Variants in ZNF804B observed in about 807,000 individuals in gnomAD.
ZNF804B encodes the protein zinc finger 804B.
Under a neutral mutation model 101.4 loss-of-function variants are expected in ZNF804B, and 80 were observed. That is an observed-to-expected ratio of 0.79 (90% CI 0.66 to 0.95). The LOEUF (loss-of-function observed/expected upper bound fraction) is 0.95. Ranked by LOEUF, ZNF804B falls within the 40% of genes least tolerant of loss-of-function variation. ZNF804B has a pLI of 0.00. For missense variants in ZNF804B, 1,673 were observed against 1,561.9 expected (o/e 1.07, Z -1.20); for synonymous variants, 622 against 558.8 (o/e 1.11, Z -1.59).
intron 2 of ZNF804B, among the ~76,000 whole-genome samples, chr7:89,296,709 T>C (rs543449927): frequency 1.3e-5 from 2 of 152,248 alleles, no homozygotes; most frequent in South Asian, 4.1e-4. Flanking sequence ...ACGTAAGTTC[T>C]TTAATGTAGA....
chr7:88,865,012 T>A (rs994526462), intron 1 of ZNF804B, among the ~76,000 whole-genome samples: 2 of 152,098 alleles, frequency 1.3e-5, no homozygotes, highest in African/African-American at 4.8e-5. Context: ...GTGGATCACC[T>A]GAGGTCAGGA....
chr7:88,872,516 T>A (rs1791844332), intron 1 of ZNF804B, among the ~76,000 whole-genome samples: 1 of 152,116 alleles, frequency 6.6e-6, no homozygotes, highest in Admixed American at 6.6e-5. Context: ...GTGTGCACAA[T>A]GTGCAGGTTA....
At chr7:89,017,962 G>T (rs1788597657) in intron 1 of ZNF804B, among the ~76,000 whole-genome samples, 1 of 152,088 alleles carries the variant, frequency 6.6e-6, no homozygotes, top group Non-Finnish European at 1.5e-5. Flanking sequence ...CATCAGCCAA[G>T]AGGAACAAGC....
chr7:89,319,856 C>A (rs904990302), intron 2 of ZNF804B, among the ~76,000 whole-genome samples: 1 of 152,178 alleles, frequency 6.6e-6, no homozygotes, highest in African/African-American at 2.4e-5. Flanking sequence ...GTTAGCCCAA[C>A]ACTCGTACTT....
chr7:88,872,737 G>A lies in ZNF804B; in HGVS notation c.108+112653G>A, dbSNP rs551553599. 4.0e-5 allele frequency among the ~76,000 whole-genome samples: 6 copies of A among 148,680 alleles called. No individual in the cohort carries two copies. In the South Asian group the frequency reaches 1.1e-3, roughly 27 times the overall value. On this transcript the variant is annotated intron_variant, in intron 1 of 3. Coordinates refer to ENST00000333190, the MANE Select transcript of ZNF804B (RefSeq NM_181646.5). The stretch of plus-strand genomic sequence containing the variant: ...ATGTGGCGTTTGGTTTTTTGTTCTT[G>A]CGATAGTTTACTGAGAATGATGATT...
chr7:89,315,014 G>A (rs932337392), intron 2 of ZNF804B, among the ~76,000 whole-genome samples: 7 of 152,144 alleles, frequency 4.6e-5, no homozygotes, highest in Non-Finnish European at 1.0e-4. Context: ...AAGAAAAGAG[G>A]TTTAATTGGC....
intron 1 of ZNF804B, among the ~76,000 whole-genome samples, chr7:89,047,400 A>C (rs1789126593): frequency 6.6e-6 from 1 of 152,188 alleles, no homozygotes; most frequent in African/African-American, 2.4e-5. Flanking sequence ...AATTACCAAA[A>C]ATAATGATTG....
intron 1 of ZNF804B, among the ~76,000 whole-genome samples, chr7:88,797,522 C>T (rs2285444): frequency 0.06 from 9,176 of 152,228 alleles, 532 homozygotes; most frequent in East Asian, 0.28. Context: ...TTTCCAATTT[C>T]CAGTCATGGA....
Position 89,113,802 on chromosome 7 carries a change from T to C in ZNF804B, c.109-104353T>C, listed in dbSNP as rs564622406. Among the ~76,000 whole-genome samples the C allele has an allele frequency of 1.6e-3, 242 of 151,954 alleles. 2 individuals carry two copies. Among genetic ancestry groups the C allele is most frequent in the African/African-American group, 5.4e-3 (222 of 41,456 alleles). On this transcript the variant is annotated intron_variant, in intron 1 of 3. Coordinates refer to ENST00000333190, the MANE Select transcript of ZNF804B (RefSeq NM_181646.5). ...CTCGTCTCTACTAAAAATACAAAAA[T>C]TAGCCGGACATGGTGGCATGCCTGT...
chr7:88,778,462 T>C (rs1460172194), intron 1 of ZNF804B, among the ~76,000 whole-genome samples: 1 of 152,232 alleles, frequency 6.6e-6, no homozygotes, highest in Non-Finnish European at 1.5e-5. Context: ...TTATTCTGCT[T>C]ACTATATCTC....
At chr7:88,960,012 G>A (rs1584039922) in intron 1 of ZNF804B, among the ~76,000 whole-genome samples, 2 of 151,300 alleles carry the variant, frequency 1.3e-5, no homozygotes, top group South Asian at 4.2e-4. Context: ...TGAAAATTTT[G>A]ACCTTTAATA....
chr7:88,838,613 AT>A (rs1187338988), intron 1 of ZNF804B, among the ~76,000 whole-genome samples: 2 of 151,920 alleles, frequency 1.3e-5, no homozygotes, highest in Non-Finnish European at 2.9e-5. Context: ...TTTATTACAC[AT>A]TTTTTAGTTT....
At chr7:89,037,382 T>A (rs1788943722) in intron 1 of ZNF804B, among the ~76,000 whole-genome samples, 1 of 152,054 alleles carries the variant, frequency 6.6e-6, no homozygotes, top group Non-Finnish European at 1.5e-5. Flanking sequence ...TGGTATTTGT[T>A]GTAATCAAAC....
At chr7:88,873,257 A>G (rs193278671) in intron 1 of ZNF804B, among the ~76,000 whole-genome samples, 1 of 152,298 alleles carries the variant, frequency 6.6e-6, no homozygotes, top group Admixed American at 6.5e-5. Context: ...TTTTGGCTGG[A>G]TAAATGTCTT....
chr7:88,793,202 T>C (rs980100981), intron 1 of ZNF804B, among the ~76,000 whole-genome samples: 2 of 152,132 alleles, frequency 1.3e-5, no homozygotes, highest in African/African-American at 4.8e-5. Context: ...CTAAAAACTT[T>C]TAAACAATGC....
At chr7:88,815,287 C>T (rs906079065) in intron 1 of ZNF804B, among the ~76,000 whole-genome samples, 2 of 148,756 alleles carry the variant, frequency 1.3e-5, no homozygotes, top group African/African-American at 4.9e-5. Context: ...TCTGTAGAAA[C>T]TCAGTATAAC....
chr7:88,863,887 T>C (rs1791687358), intron 1 of ZNF804B, among the ~76,000 whole-genome samples: 1 of 152,212 alleles, frequency 6.6e-6, no homozygotes, highest in Non-Finnish European at 1.5e-5. Flanking sequence ...GTCACGTGCC[T>C]GTCTCCTCCA....
At chr7:88,997,269 G>A (rs769618019) in intron 1 of ZNF804B, among the ~76,000 whole-genome samples, 4 of 151,904 alleles carry the variant, frequency 2.6e-5, no homozygotes, top group Non-Finnish European at 4.4e-5. Flanking sequence ...ACCTCATTTT[G>A]TAGTTATCAT....
At chr7:88,930,796 C>T (rs1792871256) in intron 1 of ZNF804B, among the ~76,000 whole-genome samples, 1 of 151,826 alleles carries the variant, frequency 6.6e-6, no homozygotes, top group African/African-American at 2.4e-5. Flanking sequence ...ATAAAATCTT[C>T]CTCTTACCAA....
Sources: allele counts gnomAD v4.1 joint callset (sites outside exome capture counted in the v4.1 genomes callset), GRCh38; gene constraint gnomAD v4.1.1; transcripts MANE v1.5; gene names NCBI Gene and HGNC (gene_info 2026-07-23, HGNC 2026-07-21).